The following SOX6 variants were observed in gnomAD, a reference collection of about 807,000 sequenced individuals.
SOX6 encodes SRY-box transcription factor 6.
SOX6 carries 11 observed loss-of-function variants against 97.8 expected under a neutral mutation model. That is an observed-to-expected ratio of 0.11 (90% CI 0.07 to 0.19). SOX6 has a LOEUF of 0.19. Ranked by LOEUF, SOX6 falls within the 10% of genes least tolerant of loss-of-function variation. SOX6 has a pLI of 1.00. For synonymous variants in SOX6, 360 were observed against 371.4 expected (o/e 0.97, Z 0.35); for missense variants, 810 against 1,039.5 (o/e 0.78, Z 3.04).
intron 2 of SOX6, among the ~76,000 whole-genome samples, chr11:16,715,999 C>T (rs148297566): frequency 1.1e-4 from 17 of 152,092 alleles, no homozygotes; most frequent in African/African-American, 1.9e-4. Context: ...TTTGGAAAGC[C>T]GAGGTGGGAG....
chr11:16,594,549 T>G (rs917789935), intron 4 of SOX6, among the ~76,000 whole-genome samples: 1 of 152,064 alleles, frequency 6.6e-6, no homozygotes, highest in African/African-American at 2.4e-5. Flanking sequence ...TTTCCTTCCA[T>G]ATGTATTTAA....
In SOX6 at chr11:16,240,653, T is replaced by C. The variant is rs776848421; in HGVS notation, c.446-5982A>G. ...ATTGTTCAAAAGCAACTTCTGAAATTTCCTTCAAAGCACAACTGTTATCAA... is the reference window on the plus strand; with the variant it reads ...ATTGTTCAAAAGCAACTTCTGAAATCTCCTTCAAAGCACAACTGTTATCAA... On this transcript the variant is annotated intron_variant, in intron 3 of 15. Coordinates refer to ENST00000683767, the MANE Select transcript of SOX6 (RefSeq NM_001367873.1). 4.6e-5 allele frequency among the ~76,000 whole-genome samples: 7 copies of C among 152,110 alleles called. No homozygotes were observed. In the South Asian group the frequency reaches 6.2e-4, roughly 14 times the overall value.
chr11:16,618,673 A>G (rs1158059364), intron 3 of SOX6, among the ~76,000 whole-genome samples: 1 of 151,968 alleles, frequency 6.6e-6, no homozygotes, highest in Admixed American at 6.6e-5. Flanking sequence ...GTGGATAGTA[A>G]GAAGGAAGAG....
chr11:16,397,596 T>C (rs1212899693), intron 1 of SOX6: 1 of 151,900 alleles, frequency 6.6e-6, no homozygotes, highest in African/African-American at 2.4e-5. Context: ...AATTCTCTTC[T>C]GGTTAACCCT....
At chr11:16,231,471 A>T (rs1162788699) in intron 4 of SOX6, among the ~76,000 whole-genome samples, 1 of 151,820 alleles carries the variant, frequency 6.6e-6, no homozygotes, top group Non-Finnish European at 1.5e-5. Context: ...AGAAATTTTT[A>T]AATTAATAAT....
chr11:16,670,682 G>T (rs1232794058), intron 3 of SOX6, among the ~76,000 whole-genome samples: 2 of 152,186 alleles, frequency 1.3e-5, no homozygotes, highest in Non-Finnish European at 2.9e-5. Context: ...TGCACTGTTT[G>T]CAGAGCAGTT....
At chr11:16,733,375 C>T (rs955719497) in intron 2 of SOX6, among the ~76,000 whole-genome samples, 3 of 152,182 alleles carry the variant, frequency 2.0e-5, no homozygotes, top group Admixed American at 6.5e-5. Context: ...GGCACATATA[C>T]ACCATGGAAT....
chr11:16,443,781 G>A (rs146865786), intron 1 of SOX6, among the ~76,000 whole-genome samples: 15 of 152,114 alleles, frequency 9.9e-5, no homozygotes, highest in Admixed American at 7.9e-4. Context: ...TTGGAAGGCC[G>A]AGGCAGGCAG....
At chr11:16,007,018 T>C (rs1207780254) in intron 13 of SOX6, among the ~76,000 whole-genome samples, 1 of 151,498 alleles carries the variant, frequency 6.6e-6, no homozygotes, top group Non-Finnish European at 1.5e-5. Context: ...AGATAGTGAG[T>C]GCAGGCAGTG....
At chr11:16,567,824 C>T (rs1406124580) in intron 4 of SOX6, among the ~76,000 whole-genome samples, 2 of 151,176 alleles carry the variant, frequency 1.3e-5, no homozygotes, top group East Asian at 1.9e-4. Flanking sequence ...ATCCACCCAC[C>T]TCAGCCTCCC....
chr11:16,574,356 T>A (rs1351917190), intron 4 of SOX6, among the ~76,000 whole-genome samples: 1 of 152,080 alleles, frequency 6.6e-6, no homozygotes, highest in Non-Finnish European at 1.5e-5. Flanking sequence ...GCATTTGACA[T>A]AAGACAAAGG....
chr11:16,038,596 G>C lies in SOX6; in HGVS notation c.1623+7918C>G, dbSNP rs186973512. 5.1e-3 allele frequency among the ~76,000 whole-genome samples: 781 copies of C among 152,252 alleles called. 3 individuals carry two copies. Among genetic ancestry groups the C allele is most frequent in the Middle Eastern group, 0.02 (6 of 294 alleles). On this transcript the variant is annotated intron_variant, in intron 12 of 15. Transcript: ENST00000683767. The stretch of plus-strand genomic sequence containing the variant: ...ATTCTCAAATCCTGATATTTTTATA[G>C]ATTGGGAAACTTAAGCTCTGAGATA...
intron 10 of SOX6, among the ~76,000 whole-genome samples, chr11:16,053,625 G>A (rs1377245888): frequency 6.6e-6 from 1 of 152,038 alleles, no homozygotes. Flanking sequence ...GCTAGTAAAA[G>A]TGGTAGAACC....
intron 4 of SOX6, among the ~76,000 whole-genome samples, chr11:16,566,109 A>AAG (rs1554975075): frequency 5.9e-5 from 9 of 151,726 alleles, no homozygotes; most frequent in African/African-American, 2.2e-4. Context: ...AAAAAAAAAA[A>AAG]AAAAGAAATA....
chr11:16,155,530 T>C (rs1850575156), intron 6 of SOX6, among the ~76,000 whole-genome samples: 1 of 152,174 alleles, frequency 6.6e-6, no homozygotes, highest in South Asian at 2.1e-4. Context: ...TTGGGCAAGT[T>C]GTTTAACCTC....
At chr11:16,687,672 G>A (rs1847979834) in intron 3 of SOX6, among the ~76,000 whole-genome samples, 1 of 152,130 alleles carries the variant, frequency 6.6e-6, no homozygotes, top group African/African-American at 2.4e-5. Flanking sequence ...TTTATAGGTT[G>A]ACAGTTGTAT....
chr11:16,710,192 G>C (rs1590060286), intron 3 of SOX6, among the ~76,000 whole-genome samples: 2 of 152,282 alleles, frequency 1.3e-5, no homozygotes, highest in East Asian at 3.9e-4. Flanking sequence ...ACATCTTGAA[G>C]GGAGAGATAG....
intron 1 of SOX6, among the ~76,000 whole-genome samples, chr11:16,369,771 T>A (rs897115605): frequency 6.6e-6 from 1 of 152,166 alleles, no homozygotes; most frequent in African/African-American, 2.4e-5. Flanking sequence ...ACTCTTCAAT[T>A]CTCTGCCTTG....
At chr11:16,358,418 A>G (rs187498769), upstream of SOX6, among the ~76,000 whole-genome samples, 405 of 152,262 alleles carry the variant, frequency 2.7e-3, 1 homozygote, top group Non-Finnish European at 4.8e-3. Context: ...TACCAACAGG[A>G]AAGTGTTACA....
Sources: allele counts gnomAD v4.1 joint callset (sites outside exome capture counted in the v4.1 genomes callset), GRCh38; gene constraint gnomAD v4.1.1; transcripts MANE v1.5; gene names NCBI Gene and HGNC (gene_info 2026-07-23, HGNC 2026-07-21).